The following PACSIN2 variants were observed in gnomAD, a reference collection of about 807,000 sequenced individuals.
The protein encoded by PACSIN2 is protein kinase C and casein kinase substrate in neurons protein 2.
A neutral mutation model predicts 63.8 loss-of-function variants in PACSIN2; 25 were observed. That is an observed-to-expected ratio of 0.39 (90% CI 0.29 to 0.55). The LOEUF is 0.55. Ranked by LOEUF, PACSIN2 falls within the 20% of genes least tolerant of loss-of-function variation. PACSIN2 has a pLI of 0.62. For missense variants in PACSIN2, 518 were observed against 646.9 expected (o/e 0.80, Z 2.16); for synonymous variants, 255 against 256.2 (o/e 1.00, Z 0.05).
At chr22:43,001,062 C>T (rs576822207) in intron 1 of PACSIN2, among the ~76,000 whole-genome samples, 7 of 152,360 alleles carry the variant, frequency 4.6e-5, no homozygotes, top group Admixed American at 1.3e-4. Flanking sequence ...AGGCCAAGGG[C>T]TGCTATGGAA....
At chr22:42,872,567 C>G (rs980702666) in intron 10 of PACSIN2, among the ~76,000 whole-genome samples, 7 of 152,250 alleles carry the variant, frequency 4.6e-5, no homozygotes, top group African/African-American at 1.7e-4. Context: ...TGCTGGTCAA[C>G]ATGCCTGCGG....
intron 1 of PACSIN2, among the ~76,000 whole-genome samples, chr22:42,971,390 T>C (rs899996863): frequency 1.3e-5 from 2 of 152,216 alleles, no homozygotes; most frequent in Non-Finnish European, 2.9e-5. Context: ...CTCAGTGCTC[T>C]ATGTTGCCCA....
chr22:42,951,160 C>G (rs907493967), intron 1 of PACSIN2, among the ~76,000 whole-genome samples: 1 of 152,102 alleles, frequency 6.6e-6, no homozygotes, highest in Non-Finnish European at 1.5e-5. Context: ...TAAGGCAGCA[C>G]GTGGGCACCT....
At chr22:43,010,824 T>C (rs139399039) in intron 1 of PACSIN2, among the ~76,000 whole-genome samples, 89 of 152,320 alleles carry the variant, frequency 5.8e-4, no homozygotes, top group South Asian at 1.9e-3. Context: ...CAGATGAACA[T>C]GCATTTATGG....
At chr22:42,874,852 C>CTT (rs777530387) in intron 10 of PACSIN2, among the ~76,000 whole-genome samples, 3,893 of 128,098 alleles carry the variant, frequency 0.03, 111 homozygotes, top group African/African-American at 0.045. Context: ...TGGGCATCCG[C>CTT]TTTTTTTTTT....
At chr22:42,921,611 A>T (rs563383722) in intron 1 of PACSIN2, among the ~76,000 whole-genome samples, 2 of 152,178 alleles carry the variant, frequency 1.3e-5, no homozygotes, top group Non-Finnish European at 2.9e-5. Flanking sequence ...ATTCTAATGA[A>T]ATCTGATGAG....
intron 1 of PACSIN2, among the ~76,000 whole-genome samples, chr22:42,978,479 G>A (rs978410173): frequency 6.6e-6 from 1 of 152,208 alleles, no homozygotes; most frequent in African/African-American, 2.4e-5. Context: ...TGGTGGCAGA[G>A]CCAAAAGTCC....
chr22:42,901,934 G>A (rs554800892), intron 2 of PACSIN2, among the ~76,000 whole-genome samples: 4 of 152,296 alleles, frequency 2.6e-5, no homozygotes, highest in Admixed American at 2.0e-4. Flanking sequence ...CTTCCTCTCC[G>A]TGGTGCAGAG....
chr22:42,974,468 C>T (rs1921542159), intron 1 of PACSIN2, among the ~76,000 whole-genome samples: 1 of 152,194 alleles, frequency 6.6e-6, no homozygotes, highest in Admixed American at 6.5e-5. Context: ...GAGGAGAGTG[C>T]TCTTCCTGGT....
intron 1 of PACSIN2, among the ~76,000 whole-genome samples, chr22:42,928,970 T>TA (rs745670030): frequency 9.9e-5 from 15 of 152,222 alleles, no homozygotes; most frequent in Admixed American, 5.9e-4. Context: ...AACAAGCTCT[T>TA]AGAGTTCTCT....
At chr22:42,908,055 G>T (rs114970386) in intron 2 of PACSIN2, among the ~76,000 whole-genome samples, 1,604 of 152,278 alleles carry the variant, frequency 0.011, 28 homozygotes, top group African/African-American at 0.036. Flanking sequence ...CAGAATATTT[G>T]ACACAAGATA....
At chr22:42,954,319 A>G (rs909483231) in intron 1 of PACSIN2, among the ~76,000 whole-genome samples, 1 of 152,212 alleles carries the variant, frequency 6.6e-6, no homozygotes, top group African/African-American at 2.4e-5. Context: ...AGAACAGCCC[A>G]TTGAGCCTCT....
intron 1 of PACSIN2, among the ~76,000 whole-genome samples, chr22:42,946,186 T>A (rs1253865907): frequency 6.6e-6 from 1 of 152,252 alleles, no homozygotes. Context: ...CCAATTACTT[T>A]TATAACATAA....
At chr22:42,991,552 G>A (rs766136663) in intron 1 of PACSIN2, among the ~76,000 whole-genome samples, 3 of 152,202 alleles carry the variant, frequency 2.0e-5, no homozygotes, top group African/African-American at 4.8e-5. Flanking sequence ...GAGACTGTGC[G>A]GGAATCCAGC....
chr22:42,926,228 C>T (rs1932526007), intron 1 of PACSIN2, among the ~76,000 whole-genome samples: 1 of 152,158 alleles, frequency 6.6e-6, no homozygotes, highest in Non-Finnish European at 1.5e-5. Context: ...AAACAGCTTG[C>T]GCATTGCAAG....
chr22:42,875,538 C>G (rs978962975), intron 10 of PACSIN2, among the ~76,000 whole-genome samples: 1 of 124,422 alleles, frequency 8.0e-6, no homozygotes, highest in Non-Finnish European at 1.9e-5. Flanking sequence ...ATTAGCCCAG[C>G]TAATTTTTTT....
intron 1 of PACSIN2, among the ~76,000 whole-genome samples, chr22:42,957,322 G>A (rs1190696582): frequency 2.6e-5 from 4 of 152,288 alleles, no homozygotes; most frequent in Admixed American, 2.0e-4. Context: ...GAAAGTGCCA[G>A]TTTTCCTGAA....
intron 1 of PACSIN2, among the ~76,000 whole-genome samples, chr22:42,940,092 G>A (rs1033137179): frequency 2.0e-5 from 3 of 152,188 alleles, no homozygotes; most frequent in Non-Finnish European, 4.4e-5. Flanking sequence ...TCCGAAGGCT[G>A]TAGGCAGGAG....
At chr22:42,930,599 T>A (rs529189176) in intron 1 of PACSIN2, among the ~76,000 whole-genome samples, 9 of 152,318 alleles carry the variant, frequency 5.9e-5, no homozygotes, top group Middle Eastern at 3.4e-3. Context: ...CATTTGGAAG[T>A]ATGAAAGTAG....
Sources: allele counts gnomAD v4.1 joint callset (sites outside exome capture counted in the v4.1 genomes callset), GRCh38; gene constraint gnomAD v4.1.1; transcripts MANE v1.5; gene names NCBI Gene and HGNC (gene_info 2026-07-23, HGNC 2026-07-21).